ZNF787: variants seen among roughly 807,000 people sequenced by gnomAD.
ZNF787 encodes zinc finger protein 787, also known as TTF-I-interacting peptide 20.
ZNF787 carries 7 observed loss-of-function variants against 16.9 expected under a neutral mutation model. The observed-to-expected ratio is 0.42, with a 90% CI of 0.24 to 0.78. The LOEUF (loss-of-function observed/expected upper bound fraction) is 0.78. Among genes scored for constraint, ZNF787 ranks in the 30% least tolerant of loss-of-function variants. The probability of loss-of-function intolerance (pLI) is 0.30; values close to 1 mark genes in which losing one functional copy is unlikely to be tolerated. For missense variants in ZNF787, 551 were observed against 589.3 expected, an observed-to-expected ratio of 0.94 and a Z score of 0.67; for synonymous variants, 345 against 270.9, an observed-to-expected ratio of 1.27 and a Z score of -2.69.
chr19:56,119,904 G>A (rs891829974), intron 1 of ZNF787, among the ~76,000 whole-genome samples: 6 of 152,222 alleles, frequency 3.9e-5, no homozygotes, highest in Non-Finnish European at 7.3e-5. Flanking sequence ...TGTGCTTCCC[G>A]GCGCTGGGGT....
At chr19:56,106,280 G>A (rs1458623029) in intron 1 of ZNF787, among the ~76,000 whole-genome samples, 1 of 152,196 alleles carries the variant, frequency 6.6e-6, no homozygotes, top group African/African-American at 2.4e-5. Context: ...CTCCTCTCTC[G>A]GGCTGAACCC....
intron 1 of ZNF787, among the ~76,000 whole-genome samples, chr19:56,115,452 G>A (rs373372426): frequency 3.5e-5 from 5 of 143,540 alleles, no homozygotes; most frequent in South Asian, 2.3e-4. Context: ...TCCGCCTCCC[G>A]GGTTCACGCC....
chr19:56,107,731 G>A (rs578206099), intron 1 of ZNF787, among the ~76,000 whole-genome samples: 1 of 152,190 alleles, frequency 6.6e-6, no homozygotes, highest in African/African-American at 2.4e-5. Context: ...GGGAGGCTGG[G>A]GTGGGCCCTC....
At chr19:56,108,038 G>A (rs1482803814) in intron 1 of ZNF787, among the ~76,000 whole-genome samples, 3 of 152,086 alleles carry the variant, frequency 2.0e-5, no homozygotes, top group African/African-American at 7.2e-5. Flanking sequence ...CATGAGGCCG[G>A]CAGGGCGAGA....
intron 2 of ZNF787, among the ~76,000 whole-genome samples, chr19:56,097,194 C>G (rs1476400164): frequency 6.6e-6 from 1 of 152,188 alleles, no homozygotes. Context: ...ACAAGGTAAC[C>G]ACCTAAGGGG....
At chr19:56,097,066 C>T (rs1160533851) in intron 2 of ZNF787, among the ~76,000 whole-genome samples, 2 of 152,170 alleles carry the variant, frequency 1.3e-5, no homozygotes, top group Non-Finnish European at 2.9e-5. Flanking sequence ...TCAGGAGCCC[C>T]GGCCTCAGCC....
chr19:56,106,693 A>C (rs1485374250), intron 1 of ZNF787, among the ~76,000 whole-genome samples: 1 of 88,690 alleles, frequency 1.1e-5, no homozygotes, highest in East Asian at 3.0e-4. Flanking sequence ...AACCCAGGCG[A>C]GGCCCCCTTG....
At chr19:56,103,037 G>A (rs1247809112) in intron 2 of ZNF787, 102 bp downstream of exon 2, 7 of 1,365,288 alleles carry the variant, frequency 5.1e-6, no homozygotes, top group East Asian at 2.3e-5. Context: ...GGCCCCAAGA[G>A]GGGAAAACAG....
intron 1 of ZNF787, among the ~76,000 whole-genome samples, chr19:56,108,002 C>T (rs1052335431): frequency 9.9e-5 from 15 of 152,102 alleles, no homozygotes; most frequent in Admixed American, 3.3e-4. Context: ...GGGCACTGTT[C>T]TGACGCTTGT....
chr19:56,101,375 G>A (rs1986093401), intron 2 of ZNF787, among the ~76,000 whole-genome samples: 1 of 152,284 alleles, frequency 6.6e-6, no homozygotes, highest in East Asian at 1.9e-4. Flanking sequence ...GCCCTCCCCG[G>A]AGCCAGCTGC....
At chr19:56,119,973 A>G (rs1212658212) in intron 1 of ZNF787, among the ~76,000 whole-genome samples, 1 of 62,312 alleles carries the variant, frequency 1.6e-5, no homozygotes, top group Non-Finnish European at 7.3e-5. Flanking sequence ...GGAGCAGGAC[A>G]CCGCAAAGAG....
intron 2 of ZNF787, among the ~76,000 whole-genome samples, chr19:56,089,954 C>T (rs571500584): frequency 6.6e-6 from 1 of 152,296 alleles, no homozygotes; most frequent in African/African-American, 2.4e-5. Flanking sequence ...TCTACATTTG[C>T]TCTCCCTTGG....
intron 2 of ZNF787, among the ~76,000 whole-genome samples, chr19:56,094,279 G>T (rs1280304394): frequency 7.4e-6 from 1 of 134,402 alleles, no homozygotes; most frequent in Non-Finnish European, 1.5e-5. Context: ...TGATCCACCC[G>T]CCTTGGCCTC....
intron 1 of ZNF787, among the ~76,000 whole-genome samples, chr19:56,103,873 C>T (rs1187285485): frequency 1.7e-4 from 11 of 63,784 alleles, no homozygotes; most frequent in African/African-American, 1.3e-4. Context: ...ACCCGTGCCA[C>T]GCACCGGGAG....
Position 56,088,463 on chromosome 19 carries a change from C to T in ZNF787, c.709G>A (p.Val237Met), listed in dbSNP as rs1169633554. The T allele has an allele frequency of 8.3e-6, 11 of 1,317,448 alleles. No individual in the cohort carries two copies. In the Admixed American group the frequency reaches 3.7e-4, roughly 45 times the overall value. 81.6% of individuals were successfully genotyped at this position (1,317,448 alleles called of 1,614,324 possible). The change falls in exon 3 of 3, where the codon GTG becomes ATG. Residue 237 changes from valine (V) to methionine (M), a missense_variant. By Grantham distance (21) the Val-to-Met change is conservative (BLOSUM62 1). Coordinates refer to ENST00000610935, the MANE Select transcript of ZNF787 (RefSeq NM_001002836.4). This position sits in a 1 kb window ranked among gnomAD's most constrained non-coding sequence, Gnocchi z 8.6. ...VAADGEIAIP[V>M]GDGEGIIVVG... ...ACGATGATGCCCTCGCCATCGCCCA[C>T]GGGGATGGCGATCTCGCCGTCCGCC... is the stretch of plus-strand genomic sequence containing the variant.
intron 1 of ZNF787, among the ~76,000 whole-genome samples, chr19:56,120,428 C>T (rs1380564315): frequency 6.6e-6 from 1 of 152,184 alleles, no homozygotes; most frequent in Non-Finnish European, 1.5e-5. Context: ...TCCCCGCCTT[C>T]GCCCTGCCCC....
chr19:56,096,715 A>AAAAT (rs999335248), intron 2 of ZNF787, among the ~76,000 whole-genome samples: 12 of 152,266 alleles, frequency 7.9e-5, no homozygotes, highest in African/African-American at 1.4e-4. Flanking sequence ...TCCGTCTCAG[A>AAAAT]AAATAAATAA....
intron 1 of ZNF787, among the ~76,000 whole-genome samples, chr19:56,110,946 G>A (rs2029962049): frequency 6.6e-6 from 1 of 152,242 alleles, no homozygotes; most frequent in South Asian, 2.1e-4. Flanking sequence ...GGGTAGGGGG[G>A]TAGTGAGGCA....
chr19:56,088,019 T>TC lies in ZNF787; in HGVS notation c.*3dup. The TC allele has an allele frequency of 2.1e-6, 2 of 972,584 alleles. No individual in the cohort carries two copies. The highest frequency in any genetic ancestry group is 4.5e-5 in the South Asian group (1 of 22,326). 60.2% of individuals were successfully genotyped at this position (972,584 alleles called of 1,614,324 possible). A position where few individuals can be genotyped will look rare whatever the true frequency, so the allele number is the denominator to read the frequency against. On this transcript the variant is annotated 3_prime_UTR_variant, in exon 3 of 3. Transcript: ENST00000610935. The surrounding 1 kb of genome is among the most constrained non-coding windows in gnomAD (Gnocchi z 8.6). ...CTGCCCGCCCCCCCCCCCGGGCCCC[T>TC]CCCCTACCGGCCCTCCCCACCGCGG...
Sources: allele counts gnomAD v4.1 joint callset (sites outside exome capture counted in the v4.1 genomes callset), GRCh38; gene constraint gnomAD v4.1.1; non-coding constraint Gnocchi (gnomAD v3.1); transcripts MANE v1.5; gene names NCBI Gene and HGNC (gene_info 2026-07-23, HGNC 2026-07-21).